C10orf67: variants seen among roughly 807,000 people sequenced by gnomAD.
C10orf67 encodes the protein chromosome 10 open reading frame 67, also known as uncharacterized protein C10orf67, mitochondrial.
C10orf67 carries 60 observed loss-of-function variants against 35.6 expected under a neutral mutation model. That is an observed-to-expected ratio of 1.68 (90% CI 1.37 to 2.09). C10orf67 has a LOEUF of 2.09. Among genes scored for constraint, C10orf67 ranks in the 30% most tolerant of loss-of-function variants. The pLI is 0.00. For synonymous variants in C10orf67, 167 were observed against 115.8 expected, an observed-to-expected ratio of 1.44 and a Z score of -2.84; for missense variants, 474 against 330.2, an observed-to-expected ratio of 1.44 and a Z score of -3.38.
At chr10:23,209,700 T>G (rs914300623) in intron 15 of C10orf67, among the ~76,000 whole-genome samples, 2 of 151,952 alleles carry the variant, frequency 1.3e-5, no homozygotes, top group African/African-American at 4.8e-5. Context: ...AATAGAGCTA[T>G]TCACAAAAAA....
intron 6 of C10orf67, among the ~76,000 whole-genome samples, chr10:23,290,755 G>A (rs1391519184): frequency 6.6e-6 from 1 of 152,168 alleles, no homozygotes; most frequent in Non-Finnish European, 1.5e-5. Flanking sequence ...ATCCCTATAT[G>A]TATTCTTAAG....
chr10:23,226,352 C>G (rs974717815), intron 13 of C10orf67, among the ~76,000 whole-genome samples: 1 of 151,970 alleles, frequency 6.6e-6, no homozygotes, highest in Non-Finnish European at 1.5e-5. Context: ...GGGTACATAA[C>G]AAAATGAAGG....
At chr10:23,223,899 T>C (rs1841659710) in intron 13 of C10orf67, 81 bp from the exon 14 acceptor site, 5 of 688,422 alleles carry the variant, frequency 7.3e-6, no homozygotes, top group Non-Finnish European at 1.3e-5. Context: ...TTCTCCAGCC[T>C]TTAGTTGACC....
intron 13 of C10orf67, 115 bp downstream of exon 13, chr10:23,239,614 T>C (rs532328538): frequency 1.4e-5 from 7 of 509,070 alleles, no homozygotes; most frequent in Non-Finnish European, 2.6e-5. Flanking sequence ...GACTGCCTTG[T>C]ACTATCTCTA....
At chr10:23,296,624 T>C (rs1843888347) in intron 5 of C10orf67, among the ~76,000 whole-genome samples, 1 of 152,124 alleles carries the variant, frequency 6.6e-6, no homozygotes, top group East Asian at 1.9e-4. Flanking sequence ...CTAGGGGTCG[T>C]GCAGTTGAGA....
intron 1 of C10orf67, among the ~76,000 whole-genome samples, chr10:23,339,663 C>T (rs1441222441): frequency 6.6e-6 from 1 of 152,184 alleles, no homozygotes; most frequent in African/African-American, 2.4e-5. Context: ...TTAGTTTCTG[C>T]CCTGTTTCCT....
At chr10:23,314,780 A>C (rs1005274455) in intron 4 of C10orf67, among the ~76,000 whole-genome samples, 1 of 152,208 alleles carries the variant, frequency 6.6e-6, no homozygotes, top group Non-Finnish European at 1.5e-5. Context: ...GGTTTCCCCA[A>C]CATAGCCTCT....
At chr10:23,232,378 A>G (rs982452593) in intron 13 of C10orf67, among the ~76,000 whole-genome samples, 18 of 152,246 alleles carry the variant, frequency 1.2e-4, no homozygotes, top group Non-Finnish European at 1.5e-5. Context: ...ATATTTGCAT[A>G]AAGCATAAGA....
At chr10:23,331,740 C>A (rs375054188) in intron 2 of C10orf67, among the ~76,000 whole-genome samples, 280 of 151,438 alleles carry the variant, frequency 1.8e-3, no homozygotes, top group Non-Finnish European at 2.9e-3. Context: ...TGGAAAGTAG[C>A]AGGAAGGGAA....
intron 7 of C10orf67, among the ~76,000 whole-genome samples, chr10:23,289,437 T>C (rs1275945481): frequency 6.6e-6 from 1 of 152,200 alleles, no homozygotes; most frequent in African/African-American, 2.4e-5. Flanking sequence ...CTGCTAGGAT[T>C]ACAGGTGTGA....
intron 15 of C10orf67, among the ~76,000 whole-genome samples, chr10:23,206,580 T>C (rs1190287513): frequency 6.6e-6 from 1 of 152,216 alleles, no homozygotes; most frequent in South Asian, 2.1e-4. Flanking sequence ...ATTGTTAGGG[T>C]TGATTAATTG....
intron 15 of C10orf67, among the ~76,000 whole-genome samples, chr10:23,219,611 G>A (rs1841522756): frequency 6.6e-6 from 1 of 152,036 alleles, no homozygotes; most frequent in Non-Finnish European, 1.5e-5. Context: ...AATCCCCTTA[G>A]AGTAACAAGG....
At position 23,212,967 on chromosome 10, in the gene C10orf67, T is replaced by C. The variant is rs533061924; in HGVS notation, c.1571-8712A>G. 5.3e-5 allele frequency among the ~76,000 whole-genome samples: 8 copies of C among 152,294 alleles called. No homozygotes were observed. The East Asian group carries it at 1.5e-3, about 29-fold the overall frequency. ...AGTATGACAAAGATTTTAAAACTTA[T>C]GCTTAGTATGTTCAAAGAGTTCATG... On this transcript the variant is annotated intron_variant, in intron 15 of 15. Transcript: ENST00000636213.
intron 13 of C10orf67, among the ~76,000 whole-genome samples, chr10:23,237,277 G>A (rs946390199): frequency 1.3e-5 from 2 of 152,090 alleles, no homozygotes; most frequent in African/African-American, 4.8e-5. Context: ...TCTTTGTCCA[G>A]TCTACCATTG....
intron 4 of C10orf67, among the ~76,000 whole-genome samples, chr10:23,305,985 A>ACACT (rs1844260440): frequency 6.6e-6 from 1 of 151,290 alleles, no homozygotes. Context: ...ACACACACAC[A>ACACT]CTCTCTCTCT....
intron 4 of C10orf67, among the ~76,000 whole-genome samples, chr10:23,310,967 C>T (rs570347774): frequency 1.3e-5 from 2 of 152,066 alleles, no homozygotes; most frequent in South Asian, 4.2e-4. Flanking sequence ...CTGCTGGCAT[C>T]TATTTTTTTT....
intron 5 of C10orf67, among the ~76,000 whole-genome samples, chr10:23,291,822 A>G (rs1843727446): frequency 6.6e-6 from 1 of 152,068 alleles, no homozygotes; most frequent in Non-Finnish European, 1.5e-5. Context: ...TCCATCAGGC[A>G]CACGGATATC....
At chr10:23,207,687 T>C (rs185457257) in intron 15 of C10orf67, among the ~76,000 whole-genome samples, 1 of 152,356 alleles carries the variant, frequency 6.6e-6, no homozygotes, top group Admixed American at 6.5e-5. Flanking sequence ...AATAAAGGGC[T>C]GGATGTCCAT....
At chr10:23,311,944 A>G (rs1213843156) in intron 4 of C10orf67, among the ~76,000 whole-genome samples, 2 of 152,152 alleles carry the variant, frequency 1.3e-5, no homozygotes, top group Admixed American at 6.5e-5. Flanking sequence ...ACAATACTGG[A>G]TGGGAAGCAA....
Sources: allele counts gnomAD v4.1 joint callset (sites outside exome capture counted in the v4.1 genomes callset), GRCh38; gene constraint gnomAD v4.1.1; transcripts MANE v1.5; gene names NCBI Gene and HGNC (gene_info 2026-07-23, HGNC 2026-07-21).